ANKFN1: variants seen among roughly 807,000 people sequenced by gnomAD.
ANKFN1 encodes ankyrin repeat and fibronectin type-III domain-containing protein 1.
ANKFN1 carries 74 observed loss-of-function variants against 108.7 expected under a neutral mutation model. That is an observed-to-expected ratio of 0.68 (90% confidence interval 0.56 to 0.83). The LOEUF (loss-of-function observed/expected upper bound fraction) is 0.83, where lower values mean the gene tolerates loss of function less well. Among genes scored for constraint, ANKFN1 ranks in the 40% least tolerant of loss-of-function variants. ANKFN1 has a pLI of 0.00. For missense variants in ANKFN1, 1,505 were observed against 1,382.3 expected, an observed-to-expected ratio of 1.09 and a Z score of -1.41; for synonymous variants, 547 against 516.2, an observed-to-expected ratio of 1.06 and a Z score of -0.81.
At chr17:56,266,915 A>G (rs2043667657) in intron 3 of ANKFN1, among the ~76,000 whole-genome samples, 1 of 152,158 alleles carries the variant, frequency 6.6e-6, no homozygotes, top group Non-Finnish European at 1.5e-5. Context: ...TTAATTTAGG[A>G]AAGGGATTCA....
intron 4 of ANKFN1, among the ~76,000 whole-genome samples, chr17:56,118,865 A>G (rs1234106200): frequency 6.6e-6 from 1 of 152,150 alleles, no homozygotes; most frequent in African/African-American, 2.4e-5. Context: ...TTTGTAATCT[A>G]TTGATTTGAA....
intron 1 of ANKFN1, among the ~76,000 whole-genome samples, chr17:56,178,139 G>A (rs1377106359): frequency 2.0e-5 from 3 of 152,130 alleles, no homozygotes; most frequent in Non-Finnish European, 2.9e-5. Flanking sequence ...CTAAAAGGTT[G>A]TAGGATTCTT....
intron 14 of ANKFN1, among the ~76,000 whole-genome samples, chr17:56,458,282 G>A (rs1294720543): frequency 1.3e-5 from 2 of 152,118 alleles, no homozygotes. Flanking sequence ...AGCCGACTCA[G>A]TTCTCCTCTC....
At chr17:56,268,038 T>C (rs886158782) in intron 3 of ANKFN1, among the ~76,000 whole-genome samples, 1 of 152,110 alleles carries the variant, frequency 6.6e-6, no homozygotes, top group South Asian at 2.1e-4. Context: ...GAATGAAAAC[T>C]AACAAAGATA....
At chr17:56,184,585 A>G (rs1323040378) in intron 1 of ANKFN1, among the ~76,000 whole-genome samples, 1 of 152,158 alleles carries the variant, frequency 6.6e-6, no homozygotes. Context: ...TGCAGATGAT[A>G]TTAACTTTGA....
At chr17:56,226,121 A>G (rs1916246721) in intron 2 of ANKFN1, among the ~76,000 whole-genome samples, 1 of 152,106 alleles carries the variant, frequency 6.6e-6, no homozygotes, top group Non-Finnish European at 1.5e-5. Context: ...TTGGAAGGGC[A>G]AGGGGTGGGA....
intron 4 of ANKFN1, among the ~76,000 whole-genome samples, chr17:56,129,236 A>G (rs1907124508): frequency 6.6e-6 from 1 of 152,134 alleles, no homozygotes; most frequent in African/African-American, 2.4e-5. Context: ...ACAATTGGAG[A>G]TGACGCTTCT....
intron 1 of ANKFN1, among the ~76,000 whole-genome samples, chr17:56,202,927 A>T (rs193260066): frequency 1.3e-5 from 2 of 152,334 alleles, no homozygotes; most frequent in Non-Finnish European, 2.9e-5. Context: ...TAAAATACTA[A>T]TGAGAAATGT....
At position 56,216,632 on chromosome 17, in the gene ANKFN1, A is replaced by G. The variant is rs185210644; in HGVS notation, c.12+3953A>G. Among the ~76,000 whole-genome samples, 221 of 152,362 alleles carry G rather than the reference A, an allele frequency of 1.5e-3. 3 individuals are homozygous for G. The highest frequency in any genetic ancestry group is 0.014 in the Admixed American group (220 of 15,304). ...AGTTAATCGGAGAAGGGTGATTTCC[A>G]TAGATGATGTGCTCTGCTAGAAAAA... On this transcript the variant is annotated intron_variant, in intron 2 of 20. Transcript: ENST00000682825.
At chr17:56,170,348 G>A (rs2143559382) in intron 1 of ANKFN1, among the ~76,000 whole-genome samples, 1 of 152,258 alleles carries the variant, frequency 6.6e-6, no homozygotes, top group Non-Finnish European at 1.5e-5. Flanking sequence ...ACGTATAAGA[G>A]CTATAAGAAC....
chr17:56,232,016 C>T (rs948091967), intron 3 of ANKFN1, among the ~76,000 whole-genome samples: 2 of 152,078 alleles, frequency 1.3e-5, no homozygotes, highest in Non-Finnish European at 2.9e-5. Context: ...CCTGAGATAA[C>T]CTCCCTCTGA....
At chr17:56,205,907 T>C (rs1914492863) in intron 1 of ANKFN1, among the ~76,000 whole-genome samples, 1 of 152,176 alleles carries the variant, frequency 6.6e-6, no homozygotes, top group South Asian at 2.1e-4. Flanking sequence ...TAATCACCCT[T>C]TCCTCTTCAT....
At chr17:56,457,757 A>T in intron 13 of ANKFN1, 106 bp from the exon 14 acceptor site, 1 of 819,174 alleles carries the variant, frequency 1.2e-6, no homozygotes, top group South Asian at 1.7e-5. Flanking sequence ...GGACTGGAGA[A>T]TAAACATCAG....
intron 4 of ANKFN1, among the ~76,000 whole-genome samples, chr17:56,121,953 TG>T (rs1567793789): frequency 6.6e-6 from 1 of 152,092 alleles, no homozygotes; most frequent in African/African-American, 2.4e-5. Flanking sequence ...CAGGGGTTGC[TG>T]GGGGGAGGTA....
Position 56,515,449 on chromosome 17 carries a change from A to G in ANKFN1, c.*4180A>G, listed in dbSNP as rs767873774. Among the ~76,000 whole-genome samples the G allele has an allele frequency of 1.3e-5, 2 of 152,208 alleles. No homozygotes were observed. The highest frequency in any genetic ancestry group is 2.9e-5 in the Non-Finnish European group (2 of 68,032). ...CTTCAAGGAAATTTTTAAAATAGCTATTTGGAAAGCAATGGTATCTCTTCA... is the reference window on the plus strand; with the variant it reads ...CTTCAAGGAAATTTTTAAAATAGCTGTTTGGAAAGCAATGGTATCTCTTCA... On this transcript the variant is annotated 3_prime_UTR_variant, in exon 21 of 21. Coordinates refer to ENST00000682825, the MANE Select transcript of ANKFN1 (RefSeq NM_001370326.1).
At chr17:56,422,839 G>T (rs536616229) in intron 8 of ANKFN1, among the ~76,000 whole-genome samples, 1 of 152,200 alleles carries the variant, frequency 6.6e-6, no homozygotes, top group Non-Finnish European at 1.5e-5. Context: ...GGCCAAAGCC[G>T]CATAACTCTT....
At position 56,269,439 on chromosome 17, in the gene ANKFN1, G is replaced by A. The variant is rs150898069; in HGVS notation, c.53+41482G>A. On this transcript the variant is annotated intron_variant, in intron 3 of 20. Coordinates refer to ENST00000682825, the MANE Select transcript of ANKFN1 (RefSeq NM_001370326.1). ...GAGTTGTCACCCATTTTACAGATGA[G>A]AAAGCTGACTTTGAGATATTATCAT... Among the ~76,000 whole-genome samples, 1,003 of 152,298 alleles carry A rather than the reference G, an allele frequency of 6.6e-3. 13 individuals are homozygous for A. The highest frequency in any genetic ancestry group is 0.023 in the African/African-American group (945 of 41,572).
At chr17:56,490,911 A>T (rs1353900927) in intron 18 of ANKFN1, among the ~76,000 whole-genome samples, 1 of 143,980 alleles carries the variant, frequency 6.9e-6, no homozygotes, top group East Asian at 2.2e-4. Context: ...CTGCCCTGGC[A>T]TTCACCTAAG....
chr17:56,210,117 A>G (rs1914873944), intron 1 of ANKFN1, among the ~76,000 whole-genome samples: 1 of 150,538 alleles, frequency 6.6e-6, no homozygotes, highest in Non-Finnish European at 1.5e-5. Context: ...TAATGTATGC[A>G]TCACATTTTC....
Sources: gnomAD v4.1 joint callset for allele counts (sites outside exome capture counted in the v4.1 genomes callset) on GRCh38, gnomAD v4.1.1 for gene constraint, MANE v1.5 for transcripts, NCBI Gene and HGNC (gene_info 2026-07-23, HGNC 2026-07-21) for gene names.